CDH15: variants seen among roughly 807,000 people sequenced by gnomAD.
CDH15 encodes the protein cadherin-15.
CDH15 carries 73 observed loss-of-function variants against 69.4 expected under a neutral mutation model. That is an observed-to-expected ratio of 1.05 (90% CI 0.87 to 1.28). The LOEUF is 1.28. Among genes scored for constraint, CDH15 ranks in the 50% most tolerant of loss-of-function variants. The pLI is 0.00. For missense variants in CDH15, 1,343 were observed against 1,133.6 expected (o/e 1.18, Z -2.65); for synonymous variants, 624 against 507.7 (o/e 1.23, Z -3.08).
rs1915775678 is a variant in CDH15 at position 89,195,180 on chromosome 16, A to C, written c.*25A>C. On this transcript the variant is annotated 3_prime_UTR_variant, in exon 14 of 14. Coordinates refer to ENST00000289746, the MANE Select transcript of CDH15 (RefSeq NM_004933.3). ...ACCCTGGGGCGCAACTGGACATGCC[A>C]CTCCCCGGCCTCGTGGCAGTGATGG... is the stretch of plus-strand genomic sequence containing the variant. 6.4e-7 allele frequency: 1 copy of C among 1,552,106 alleles called. No individual in the cohort carries two copies. The highest frequency in any genetic ancestry group is 8.7e-7 in the Non-Finnish European group (1 of 1,150,882).
In CDH15 at chr16:89,171,780, G is replaced by C. The variant is rs931505210; in HGVS notation, c.-52G>C. ...ACTTGCGCTGTCACTCAGCCTGGACGCGCTTCTTCGGGTCGCGGGTGCACT... is the reference window on the plus strand; with the variant it reads ...ACTTGCGCTGTCACTCAGCCTGGACCCGCTTCTTCGGGTCGCGGGTGCACT... On this transcript the variant is annotated 5_prime_UTR_variant, in exon 1 of 14. Transcript: ENST00000289746. The C allele has an allele frequency of 4.6e-6, 7 of 1,523,178 alleles. No individual in the cohort carries two copies. In the African/African-American group the frequency reaches 7.0e-5, roughly 15 times the overall value. The allele number at this position is 1,523,178 out of a possible 1,614,324, so 94.4% of individuals were successfully genotyped here.
intron 7 of CDH15, 39 bp from the exon 8 acceptor site, chr16:89,190,204 T>TG: frequency 1.2e-6 from 2 of 1,604,292 alleles, no homozygotes; most frequent in Non-Finnish European, 1.7e-6. Context: ...TGCCCACACT[T>TG]GCGTTGGGCG....
Position 89,171,848 on chromosome 16 carries a change from TC to T in CDH15, c.19del (p.Leu7SerfsTer34), listed in dbSNP as rs1915159270. MDAAF[L>X]LVLGLLAQSL... The stretch of plus-strand genomic sequence containing the variant: ...TCGGCCCCGATGGACGCCGCGTTCC[TC>T]CTCGTCCTCGGGCTGTTGGCCCAGG... On this transcript the variant is annotated frameshift_variant, in exon 1 of 14. Coordinates refer to ENST00000289746, the MANE Select transcript of CDH15 (RefSeq NM_004933.3). LOFTEE classifies it high-confidence loss of function. 1.9e-6 allele frequency: 3 copies of T among 1,559,316 alleles called. No individual in the cohort carries two copies. The highest frequency in any genetic ancestry group is 2.6e-6 in the Non-Finnish European group (3 of 1,155,464).
At chr16:89,176,445 G>T (rs935330312) in intron 1 of CDH15, among the ~76,000 whole-genome samples, 1 of 152,194 alleles carries the variant, frequency 6.6e-6, no homozygotes, top group African/African-American at 2.4e-5. Context: ...ATTTCATGGG[G>T]CCCCACCCTG....
At chr16:89,187,109 T>G (rs1375748675) in intron 5 of CDH15, among the ~76,000 whole-genome samples, 2 of 147,658 alleles carry the variant, frequency 1.4e-5, no homozygotes, top group Non-Finnish European at 3.0e-5. Flanking sequence ...ACAGAATAGG[T>G]GCTCTGCAAA....
rs757082227 is a variant in CDH15, at chr16:89,185,165, C to A, written c.503-8C>A. ...ACGTTGGCCCTCACGCCTCCCTGTG[C>A]TTCCCAGGCACCTATGTGACCAGGG... On this transcript the variant is annotated splice_polypyrimidine_tract_variant and splice_region_variant and intron_variant, in intron 4 of 13. Transcript: ENST00000289746. The A allele has an allele frequency of 1.0e-5, 16 of 1,591,744 alleles. No homozygotes were observed. The highest frequency in any genetic ancestry group is 1.4e-5 in the Non-Finnish European group (16 of 1,169,994).
At chr16:89,188,700 G>GCACAGATGGCGGCACA (rs1915556039) in intron 7 of CDH15, among the ~76,000 whole-genome samples, 1 of 67,748 alleles carries the variant, frequency 1.5e-5, no homozygotes, top group African/African-American at 5.4e-5. Context: ...AGATGCCCAC[G>GCACAGATGGCGGCACA]CACAGATGGC....
chr16:89,180,974 CT>C lies in CDH15; in HGVS notation c.357+632del, dbSNP rs770080908. On this transcript the variant is annotated intron_variant, in intron 3 of 13. Coordinates refer to ENST00000289746, the MANE Select transcript of CDH15 (RefSeq NM_004933.3). ...TCCTGAGTGAGCCACCGCGCCCGAC[CT>C]TTTTTTTTTTTTGAGATGGAGCTTC... Among the ~76,000 whole-genome samples the C allele has an allele frequency of 1.6e-3, 157 of 96,854 alleles. 1 individual carries two copies. Among genetic ancestry groups the C allele is most frequent in the Admixed American group, 1.9e-3 (17 of 8,826 alleles). The allele number at this position is 96,854 out of a possible 152,430, so 63.5% of individuals were successfully genotyped here.
chr16:89,185,743 C>G, intron 5 of CDH15: 1 of 313,230 alleles, frequency 3.2e-6, no homozygotes, highest in African/African-American at 2.2e-5. Context: ...CTCCTGGTTA[C>G]ACTGTTACGT....
At position 89,191,763 on chromosome 16, in the gene CDH15, C is replaced by T; in HGVS notation, c.1484C>T (p.Pro495Leu). The change falls in exon 10 of 14, where the codon CCA becomes CTA. Residue 495 changes from proline (P) to leucine (L), a missense_variant. Transcript: ENST00000289746. The stretch of plus-strand genomic sequence containing the variant: ...CCGCCGGGCAGCCTGTGCAGCGAGC[C>T]ACACCAAGGCCCAGGCCTCCTCCTG... ...PPPPGSLCSE[P>L]HQGPGLLLGA... 6.2e-7 allele frequency: 1 copy of T among 1,606,592 alleles called. No individual in the cohort carries two copies. The highest frequency in any genetic ancestry group is 8.5e-7 in the Non-Finnish European group (1 of 1,179,566).
In CDH15 at chr16:89,191,400, C is replaced by G. The variant is rs1351715042; in HGVS notation, c.1303C>G (p.His435Asp). The G allele has an allele frequency of 6.2e-7, 1 of 1,612,686 alleles. No individual in the cohort carries two copies. Among genetic ancestry groups the G allele is most frequent in the Non-Finnish European group, 8.5e-7 (1 of 1,180,000 alleles). Residue 435 changes from histidine to aspartate, a missense_variant, in exon 9 of 14, where the codon CAC becomes GAC. By Grantham distance (81) the His-to-Asp change is moderately conservative (BLOSUM62 -1). Transcript: ENST00000289746. ...DAATGRIQTQ[H>D]VLSPASPFLK... ...AGCCACTGGCCGGATCCAGACCCAG[C>G]ACGTGCTCAGCCCGGCGTCCCCCTT...
In CDH15 at chr16:89,183,680, G is replaced by T; in HGVS notation, c.490G>T (p.Gly164Cys). 2.5e-6 allele frequency: 4 copies of T among 1,604,680 alleles called. No individual in the cohort carries two copies. The highest frequency in any genetic ancestry group is 2.6e-6 in the Non-Finnish European group (3 of 1,175,612). Reference sequence around the variant, plus strand: ...GGCGTTCACTGGCCGCGTGCTGGAGGGTGCAGTCCCAGGTGAGACAGGACC... The same window carrying T: ...GGCGTTCACTGGCCGCGTGCTGGAGTGTGCAGTCCCAGGTGAGACAGGACC... The part of the protein sequence containing the change: ...QEAFTGRVLE[G>C]AVPGTYVTRA... Residue 164 changes from glycine (G) to cysteine (C), a missense_variant, in exon 4 of 14, where the codon GGT becomes TGT. Physicochemically the swap from Gly to Cys is radical, Grantham distance 159 (BLOSUM62 -3). Coordinates refer to ENST00000289746, the MANE Select transcript of CDH15 (RefSeq NM_004933.3).
In CDH15 at chr16:89,192,195, C is replaced by G; in HGVS notation, c.1616-10C>G. ...GGGAGGCCCTCGCTCACCACAGGCG[C>G]CCTCCGCAGTGAGCCACGCGCGCCT... is the stretch of plus-strand genomic sequence containing the variant. On this transcript the variant is annotated splice_polypyrimidine_tract_variant and intron_variant, in intron 10 of 13. Transcript: ENST00000289746. 1 of 1,528,416 alleles carries G rather than the reference C, an allele frequency of 6.5e-7. No homozygotes were observed. Among genetic ancestry groups the G allele is most frequent in the Non-Finnish European group, 8.7e-7 (1 of 1,143,996 alleles). 94.7% of individuals were successfully genotyped at this position (1,528,416 alleles called of 1,614,324 possible). A position where few individuals can be genotyped will look rare whatever the true frequency, so the allele number is the denominator to read the frequency against.
chr16:89,176,082 G>A (rs908875081), intron 1 of CDH15, among the ~76,000 whole-genome samples: 1 of 152,214 alleles, frequency 6.6e-6, no homozygotes, highest in Admixed American at 6.5e-5. Context: ...GTAAGCGGCC[G>A]GTGGTGGAGG....
At chr16:89,193,657 G>C (rs1439001947) in intron 12 of CDH15, 51 bp downstream of exon 12, 12 of 1,566,858 alleles carry the variant, frequency 7.7e-6, no homozygotes, top group African/African-American at 1.4e-5. Flanking sequence ...CCCAGGTCGC[G>C]GGCCTTCTTA....
intron 5 of CDH15, chr16:89,185,567 C>A: frequency 1.7e-6 from 1 of 595,556 alleles, no homozygotes; most frequent in Non-Finnish European, 3.0e-6. Flanking sequence ...GTGAGGGGCC[C>A]GGCACAGGGC....
In CDH15 at chr16:89,192,402, G is replaced by A; in HGVS notation, c.1813G>A (p.Gly605Ser). 6.5e-7 allele frequency: 1 copy of A among 1,541,586 alleles called. No individual in the cohort carries two copies. The highest frequency in any genetic ancestry group is 1.2e-5 in the South Asian group (1 of 84,666). ...GGCGGGGGGCACAGGCCTCAGCCTGGGCGCACTGGTCATCGTGCTGGCCAG... is the reference window on the plus strand; with the variant it reads ...GGCGGGGGGCACAGGCCTCAGCCTGAGCGCACTGGTCATCGTGCTGGCCAG... ...LLAGGTGLSL[G>S]ALVIVLASAL... is the part of the protein sequence containing the mutation. The change falls in exon 11 of 14, where the codon GGC becomes AGC. Residue 605 changes from glycine (G) to serine (S), a missense_variant. Gly to Ser is a moderately conservative substitution (Grantham distance 56). Coordinates refer to ENST00000289746, the MANE Select transcript of CDH15 (RefSeq NM_004933.3).
rs1915667210 is a variant in CDH15 at position 89,192,303 on chromosome 16, G to T, written c.1714G>T (p.Glu572Ter). 2.0e-6 allele frequency: 3 copies of T among 1,533,530 alleles called. No individual in the cohort carries two copies. Among genetic ancestry groups the T allele is most frequent in the Non-Finnish European group, 1.7e-6 (2 of 1,146,456 alleles). The allele number at this position is 1,533,530 out of a possible 1,614,324, so 95.0% of individuals were successfully genotyped here. Reference protein sequence around the residue: ...RDSGQPPQQREQPLNVTVCRC... With the variant: ...RDSGQPPQQR Reference sequence around the variant, plus strand: ...CTCGGGGCAGCCGCCCCAGCAGCGCGAGCAGCCTCTGAACGTGACCGTGTG... The same window carrying T: ...CTCGGGGCAGCCGCCCCAGCAGCGCTAGCAGCCTCTGAACGTGACCGTGTG... The change falls in exon 11 of 14, where the codon GAG becomes TAG. Residue 572 changes from glutamate to a stop codon, truncating the protein, a stop_gained. Coordinates refer to ENST00000289746, the MANE Select transcript of CDH15 (RefSeq NM_004933.3). LOFTEE classifies it high-confidence loss of function.
chr16:89,191,313 C>T lies in CDH15; in HGVS notation c.1233-17C>T. 1 of 1,612,676 alleles carries T rather than the reference C, an allele frequency of 6.2e-7. No homozygotes were observed. The highest frequency in any genetic ancestry group is 1.3e-5 in the African/African-American group (1 of 75,028). ...TGGGGTAAACTCAGATCCCACTCTT[C>T]CCCTCCCCTGCATCAGCTACTCCAA... is the stretch of plus-strand genomic sequence containing the variant. On this transcript the variant is annotated splice_polypyrimidine_tract_variant and intron_variant, in intron 8 of 13. Transcript: ENST00000289746.
Sources: gnomAD v4.1 joint callset for allele counts (sites outside exome capture counted in the v4.1 genomes callset) on GRCh38, gnomAD v4.1.1 for gene constraint, MANE v1.5 for transcripts, NCBI Gene and HGNC (gene_info 2026-07-23, HGNC 2026-07-21) for gene names.